OLFML2A: variants seen among roughly 807,000 people sequenced by gnomAD.
OLFML2A encodes the protein olfactomedin-like protein 2A.
OLFML2A carries 47 observed loss-of-function variants against 60.9 expected under a neutral mutation model. That is an observed-to-expected ratio of 0.77 (90% CI 0.61 to 0.98). OLFML2A has a LOEUF of 0.98. Among genes scored for constraint, OLFML2A ranks in the 50% least tolerant of loss-of-function variants. OLFML2A has a pLI of 0.00. For missense variants in OLFML2A, 922 were observed against 879.8 expected, an observed-to-expected ratio of 1.05 and a Z score of -0.61; for synonymous variants, 372 against 375.0, an observed-to-expected ratio of 0.99 and a Z score of 0.09.
intron 4 of OLFML2A, among the ~76,000 whole-genome samples, chr9:124,800,188 C>G (rs181538764): frequency 6.6e-6 from 1 of 152,360 alleles, no homozygotes; most frequent in African/African-American, 2.4e-5. Context: ...CACAGAGGCT[C>G]CTGCCTTTGC....
intron 2 of OLFML2A, among the ~76,000 whole-genome samples, chr9:124,791,998 T>C (rs1841578228): frequency 6.6e-6 from 1 of 152,192 alleles, no homozygotes; most frequent in East Asian, 1.9e-4. Context: ...CTCCAGATCA[T>C]AGCACAGGCT....
intron 2 of OLFML2A, among the ~76,000 whole-genome samples, chr9:124,793,757 G>A (rs1372964284): frequency 6.6e-6 from 1 of 152,146 alleles, no homozygotes; most frequent in East Asian, 1.9e-4. Context: ...TGGGCGTGGT[G>A]GCTCATCCCT....
chr9:124,807,984 G>A lies in OLFML2A; in HGVS notation c.1354+18G>A. The A allele has an allele frequency of 1.9e-6, 3 of 1,606,976 alleles. No individual in the cohort carries two copies. Among genetic ancestry groups the A allele is most frequent in the South Asian group, 2.2e-5 (2 of 90,632 alleles). On this transcript the variant is annotated intron_variant, in intron 7 of 7. Coordinates refer to ENST00000373580, the MANE Select transcript of OLFML2A (RefSeq NM_182487.4). The stretch of plus-strand genomic sequence containing the variant: ...CAAGCAAGGTCAGGGACCCCCGGAG[G>A]TGGAGAGGGGGCTGGGTATGGACAA...
intron 2 of OLFML2A, among the ~76,000 whole-genome samples, chr9:124,794,108 AGG>A (rs2131260003): frequency 6.6e-6 from 1 of 152,312 alleles, no homozygotes; most frequent in South Asian, 2.1e-4. Context: ...TGGGGAGAAG[AGG>A]GTATCCAAGT....
chr9:124,810,265 G>A lies in OLFML2A; in HGVS notation c.1812G>A (p.Thr604=), dbSNP rs369037047. 53 of 1,611,408 alleles carry A rather than the reference G, an allele frequency of 3.3e-5. No homozygotes were observed. The highest frequency in any genetic ancestry group is 6.7e-5 in the African/African-American group (5 of 74,886). ...GCCAGGTCGCCTACGCTTTCGACACGCACACGGGCACCGACGCACGCCCCC... is the reference window on the plus strand; with the variant it reads ...GCCAGGTCGCCTACGCTTTCGACACACACACGGGCACCGACGCACGCCCCC... ...QEGQVAYAFD[T]HTGTDARPQL... is the part of the protein sequence containing the mutation. The change falls in exon 8 of 8, where the codon ACG becomes ACA. Residue 604 remains threonine, a synonymous_variant. Transcript: ENST00000373580.
chr9:124,794,314 T>TA (rs2131260239), intron 2 of OLFML2A, among the ~76,000 whole-genome samples: 1 of 152,272 alleles, frequency 6.6e-6, no homozygotes, highest in Non-Finnish European at 1.5e-5. Context: ...GAAGCAACTC[T>TA]AAAGAGAGTC....
At chr9:124,797,920 G>A (rs1841698077) in intron 3 of OLFML2A, among the ~76,000 whole-genome samples, 1 of 152,184 alleles carries the variant, frequency 6.6e-6, no homozygotes, top group Non-Finnish European at 1.5e-5. Flanking sequence ...TGGTGTGGGA[G>A]CTGCTAAAAG....
At chr9:124,778,964 A>G (rs1026176608) in intron 1 of OLFML2A, 25 of 985,008 alleles carry the variant, frequency 2.5e-5, no homozygotes, top group South Asian at 1.4e-4. Context: ...CGGACAGATA[A>G]AAGACAGAAG....
At chr9:124,787,320 C>A in intron 2 of OLFML2A, 82 bp downstream of exon 2, 2 of 1,336,556 alleles carry the variant, frequency 1.5e-6, no homozygotes, top group Non-Finnish European at 2.1e-6. Context: ...ATTCCACACA[C>A]TCTGTGAGGC....
At chr9:124,790,173 AT>A (rs568220238) in intron 2 of OLFML2A, among the ~76,000 whole-genome samples, 67 of 147,094 alleles carry the variant, frequency 4.6e-4, no homozygotes, top group Non-Finnish European at 5.4e-4. Context: ...CAGTATTAAG[AT>A]TTTTTTTTTT....
intron 1 of OLFML2A, among the ~76,000 whole-genome samples, chr9:124,784,869 C>A (rs1841427583): frequency 6.7e-6 from 1 of 150,128 alleles, no homozygotes; most frequent in African/African-American, 2.5e-5. Flanking sequence ...TTGTGTCTGG[C>A]TTCTCTCACT....
At chr9:124,800,889 G>A in intron 4 of OLFML2A, 1 of 1,518,594 alleles carries the variant, frequency 6.6e-7, no homozygotes, top group East Asian at 2.5e-5. Flanking sequence ...CCTAGAGGTT[G>A]GGTGACCAAC....
At chr9:124,778,141 C>T (rs947655699) in intron 1 of OLFML2A, among the ~76,000 whole-genome samples, 3 of 151,970 alleles carry the variant, frequency 2.0e-5, no homozygotes, top group African/African-American at 7.3e-5. Flanking sequence ...GGGCGGATCA[C>T]AAGGTCAGGA....
At chr9:124,807,753 C>T in intron 6 of OLFML2A, 28 bp from the exon 7 acceptor site, 1 of 1,585,718 alleles carries the variant, frequency 6.3e-7, no homozygotes, top group Non-Finnish European at 8.6e-7. Flanking sequence ...GGTCTGTGTA[C>T]CGATGCTGCC....
intron 2 of OLFML2A, among the ~76,000 whole-genome samples, chr9:124,794,580 T>C (rs998905287): frequency 6.6e-6 from 1 of 152,186 alleles, no homozygotes; most frequent in African/African-American, 2.4e-5. Context: ...CCAGCCACTC[T>C]GAGGCTCTGG....
rs1841727504 is a variant in OLFML2A at position 124,799,351 on chromosome 9, C to T, written c.529C>T (p.Gln177Ter). ...VKDSVRHLSE[Q>*]LRHYENHSAI... is the part of the protein sequence containing the mutation. ...GGACAGCGTGCGCCACCTCAGTGAGCAGTTGAGGCACTATGAGAATCACTC... is the reference window on the plus strand; with the variant it reads ...GGACAGCGTGCGCCACCTCAGTGAGTAGTTGAGGCACTATGAGAATCACTC... Residue 177 changes from glutamine to a stop codon, truncating the protein, a stop_gained, in exon 4 of 8, where the codon CAG becomes TAG. Transcript: ENST00000373580. LOFTEE classifies it high-confidence loss of function. 1 of 1,613,672 alleles carries T rather than the reference C, an allele frequency of 6.2e-7. No homozygotes were observed. Among genetic ancestry groups the T allele is most frequent in the East Asian group, 2.2e-5 (1 of 44,876 alleles).
chr9:124,786,251 CCT>C (rs1412834342), intron 1 of OLFML2A, among the ~76,000 whole-genome samples: 4 of 152,172 alleles, frequency 2.6e-5, no homozygotes, highest in South Asian at 2.1e-4. Context: ...GGCAAAACCC[CCT>C]GTTTACAAAA....
rs751508499 is a variant in OLFML2A at position 124,807,770 on chromosome 9, C to T, written c.1169-11C>T. 9 of 1,604,880 alleles carry T rather than the reference C, an allele frequency of 5.6e-6. No homozygotes were observed. The highest frequency in any genetic ancestry group is 7.6e-6 in the Non-Finnish European group (9 of 1,176,796). On this transcript the variant is annotated splice_polypyrimidine_tract_variant and intron_variant, in intron 6 of 7. Transcript: ENST00000373580. Reference sequence around the variant, plus strand: ...TCTGTGTACCGATGCTGCCTGCCCTCCTCCCCACAGGCAGAGAGGCGAGCT... The same window carrying T: ...TCTGTGTACCGATGCTGCCTGCCCTTCTCCCCACAGGCAGAGAGGCGAGCT...
intron 6 of OLFML2A, among the ~76,000 whole-genome samples, chr9:124,805,634 A>G (rs1841878312): frequency 6.6e-6 from 1 of 152,084 alleles, no homozygotes. Context: ...GGGAGGGGGT[A>G]AAGGATAAAA....
Sources: allele counts gnomAD v4.1 joint callset (sites outside exome capture counted in the v4.1 genomes callset), GRCh38; gene constraint gnomAD v4.1.1; transcripts MANE v1.5; gene names NCBI Gene and HGNC (gene_info 2026-07-23, HGNC 2026-07-21).